Variants in RAP1GAP2 observed in about 807,000 individuals in gnomAD.
RAP1GAP2 encodes rap1 GTPase-activating protein 2.
In RAP1GAP2, 27 loss-of-function variants were observed where a neutral mutation model predicts 95.0. The observed-to-expected ratio is 0.28, with a 90% confidence interval of 0.21 to 0.39. The LOEUF is 0.39. Among genes scored for constraint, RAP1GAP2 ranks in the 10% least tolerant of loss-of-function variants. The probability of loss-of-function intolerance (pLI) is 1.00; values close to 1 mark genes in which losing one functional copy is unlikely to be tolerated. For missense variants in RAP1GAP2, 771 were observed against 970.0 expected (o/e 0.79, Z 2.72); for synonymous variants, 373 against 380.9 (o/e 0.98, Z 0.24).
At chr17:2,786,804 C>G (rs2151457097) in intron 1 of RAP1GAP2, among the ~76,000 whole-genome samples, 1 of 152,098 alleles carries the variant, frequency 6.6e-6, no homozygotes, top group Non-Finnish European at 1.5e-5. Flanking sequence ...TGCCACCATG[C>G]CCGGCTAATT....
rs774116223 is a variant in RAP1GAP2 at position 2,904,840 on chromosome 17, T to C, written c.81-444T>C. ...TAGCACTGCTTTAGATTTTGGTGCA[T>C]TGGAGTAAAGAAAATGCTCCCAATT... On this transcript the variant is annotated intron_variant, in intron 2 of 24. Coordinates refer to ENST00000254695, the MANE Select transcript of RAP1GAP2 (RefSeq NM_015085.5). This position sits in a 1 kb window ranked among gnomAD's most constrained non-coding sequence, Gnocchi z 4.7. Among the ~76,000 whole-genome samples, 43 of 152,140 alleles carry C rather than the reference T, an allele frequency of 2.8e-4. No individual in the cohort carries two copies. The highest frequency in any genetic ancestry group is 5.1e-4 in the Non-Finnish European group (35 of 67,990).
chr17:2,991,828 GA>G (rs1301546155), intron 12 of RAP1GAP2, among the ~76,000 whole-genome samples: 3 of 152,076 alleles, frequency 2.0e-5, no homozygotes, highest in Non-Finnish European at 1.5e-5. Flanking sequence ...GCAGTGGTGT[GA>G]TCTCAGCTCA....
chr17:2,905,194 T>A, intron 2 of RAP1GAP2, 90 bp from the exon 3 acceptor site: 2 of 1,266,906 alleles, frequency 1.6e-6, no homozygotes, highest in Non-Finnish European at 2.2e-6. Context: ...GCATTGTATG[T>A]TAAACTGTGT....
chr17:2,780,236 G>A (rs776365516), intron 1 of RAP1GAP2, among the ~76,000 whole-genome samples: 1 of 152,152 alleles, frequency 6.6e-6, no homozygotes, highest in Non-Finnish European at 1.5e-5. Context: ...TTTTCAGTAG[G>A]GACAGGGTTT....
chr17:2,825,115 A>T lies in RAP1GAP2; in HGVS notation c.80+24565A>T, dbSNP rs572016420. ...CTGGCTAATTTTTAAAATGTTTCTT[A>T]TAGAGATGGGGTCTTGCTATGCTGT... On this transcript the variant is annotated intron_variant, in intron 2 of 24. Coordinates refer to ENST00000254695, the MANE Select transcript of RAP1GAP2 (RefSeq NM_015085.5). The surrounding 1 kb of genome is among the most constrained non-coding windows in gnomAD (Gnocchi z 4.1). Among the ~76,000 whole-genome samples the T allele has an allele frequency of 1.3e-5, 2 of 152,008 alleles. No homozygotes were observed. Among genetic ancestry groups the T allele is most frequent in the Non-Finnish European group, 2.9e-5 (2 of 68,004 alleles).
intron 19 of RAP1GAP2, among the ~76,000 whole-genome samples, chr17:3,022,350 C>G (rs1400351077): frequency 6.6e-6 from 1 of 152,206 alleles, no homozygotes; most frequent in Non-Finnish European, 1.5e-5. Flanking sequence ...GGAAAACAGT[C>G]TGGCAGTTCC....
chr17:2,855,544 C>T lies in RAP1GAP2; in HGVS notation c.81-49740C>T, dbSNP rs141474090. Among the ~76,000 whole-genome samples, 600 of 152,178 alleles carry T rather than the reference C, an allele frequency of 3.9e-3. 7 individuals carry two copies. The highest frequency in any genetic ancestry group is 0.013 in the African/African-American group (558 of 41,506). On this transcript the variant is annotated intron_variant, in intron 2 of 24. Coordinates refer to ENST00000254695, the MANE Select transcript of RAP1GAP2 (RefSeq NM_015085.5). The surrounding 1 kb of genome is among the most constrained non-coding windows in gnomAD (Gnocchi z 4.3). The stretch of plus-strand genomic sequence containing the variant: ...ATGGCCAGTGGTACTGATGTTTTTC[C>T]ATTTGTGGTAGTGATATAAAACATC...
At chr17:2,992,309 G>A (rs113043532) in intron 12 of RAP1GAP2, among the ~76,000 whole-genome samples, 6 of 151,826 alleles carry the variant, frequency 4.0e-5, no homozygotes, top group South Asian at 4.1e-4. Context: ...TACAAGGCGC[G>A]CGCCACCATG....
At chr17:2,991,444 T>C in intron 12 of RAP1GAP2, 47 bp downstream of exon 12, 1 of 1,441,556 alleles carries the variant, frequency 6.9e-7, no homozygotes, top group Non-Finnish European at 9.6e-7. Flanking sequence ...ACAAGGGCAC[T>C]AGAGGAAGGG....
intron 2 of RAP1GAP2, among the ~76,000 whole-genome samples, chr17:2,882,761 T>C (rs1248297983): frequency 6.6e-6 from 1 of 152,120 alleles, no homozygotes; most frequent in Non-Finnish European, 1.5e-5. Flanking sequence ...GAGATCATGC[T>C]TCGGGGTGGA....
intron 1 of RAP1GAP2, among the ~76,000 whole-genome samples, chr17:2,762,150 G>T (rs2071265608): frequency 6.6e-6 from 1 of 151,534 alleles, no homozygotes; most frequent in East Asian, 1.9e-4. Flanking sequence ...ACCACGCCCA[G>T]CTAATTTTTT....
chr17:2,934,600 C>CT (rs1480284075), intron 3 of RAP1GAP2, among the ~76,000 whole-genome samples: 3 of 152,172 alleles, frequency 2.0e-5, no homozygotes, highest in Non-Finnish European at 4.4e-5. Flanking sequence ...GAAATAATTA[C>CT]TGAGTACAAA....
chr17:2,957,482 G>A (rs965866036), intron 3 of RAP1GAP2, among the ~76,000 whole-genome samples: 9 of 152,224 alleles, frequency 5.9e-5, no homozygotes, highest in Admixed American at 1.3e-4. Flanking sequence ...CCCAGGGGCC[G>A]GCAGGCCCCT....
chr17:3,008,185 G>A lies in RAP1GAP2; in HGVS notation c.1494+40G>A. ...GTGACTGATGGTTGCTGTGGGGTTG[G>A]GATTGGGGAAGAAAGGAAGTGGTCC... On this transcript the variant is annotated intron_variant, in intron 17 of 24. Transcript: ENST00000254695. The surrounding 1 kb of genome is among the most constrained non-coding windows in gnomAD (Gnocchi z 4.2). 6.2e-7 allele frequency: 1 copy of A among 1,611,682 alleles called. No homozygotes were observed. Among genetic ancestry groups the A allele is most frequent in the Non-Finnish European group, 8.5e-7 (1 of 1,178,296 alleles).
At chr17:2,897,394 T>C (rs1186675540) in intron 2 of RAP1GAP2, among the ~76,000 whole-genome samples, 4 of 150,880 alleles carry the variant, frequency 2.7e-5, no homozygotes, top group African/African-American at 9.7e-5. Flanking sequence ...TTGTGCTTCC[T>C]GACACGTTCC....
At chr17:2,799,661 A>G (rs1269211844) in intron 1 of RAP1GAP2, among the ~76,000 whole-genome samples, 5 of 152,130 alleles carry the variant, frequency 3.3e-5, no homozygotes, top group Non-Finnish European at 4.4e-5. Context: ...ACGAATCGTG[A>G]TGTTGCAAAG....
intron 2 of RAP1GAP2, among the ~76,000 whole-genome samples, chr17:2,873,911 C>CCT (rs748456545): frequency 6.6e-6 from 1 of 151,118 alleles, no homozygotes; most frequent in African/African-American, 2.4e-5. Context: ...TACAGGCATG[C>CCT]GCCACCACGC....
At chr17:2,985,334 A>G (rs1051310682) in intron 11 of RAP1GAP2, among the ~76,000 whole-genome samples, 4 of 151,454 alleles carry the variant, frequency 2.6e-5, no homozygotes, top group Admixed American at 1.3e-4. Context: ...CTCGTCTTCT[A>G]CGTATTTATG....
chr17:2,808,527 G>C (rs1394915140), intron 2 of RAP1GAP2, among the ~76,000 whole-genome samples: 1 of 152,062 alleles, frequency 6.6e-6, no homozygotes, highest in African/African-American at 2.4e-5. Flanking sequence ...TGAGGGCCGT[G>C]GGGGCTGGTC....
Sources: allele counts gnomAD v4.1 joint callset (sites outside exome capture counted in the v4.1 genomes callset), GRCh38; gene constraint gnomAD v4.1.1; non-coding constraint Gnocchi (gnomAD v3.1); transcripts MANE v1.5; gene names NCBI Gene and HGNC (gene_info 2026-07-23, HGNC 2026-07-21).